RIC8B: variants seen among roughly 807,000 people sequenced by gnomAD.
The protein encoded by RIC8B is RIC8 guanine nucleotide exchange factor B.
RIC8B carries 16 observed loss-of-function variants against 57.5 expected under a neutral mutation model. That is an observed-to-expected ratio of 0.28 (90% CI 0.19 to 0.42). The LOEUF (loss-of-function observed/expected upper bound fraction) is 0.42. Ranked by LOEUF, RIC8B falls within the 10% of genes least tolerant of loss-of-function variation. The pLI, the probability that RIC8B is intolerant of heterozygous loss-of-function variation, is 1.00. For synonymous variants in RIC8B, 216 were observed against 250.8 expected (o/e 0.86, Z 1.31); for missense variants, 481 against 677.0 (o/e 0.71, Z 3.21).
chr12:106,867,651 TTTCTC>T lies in RIC8B; in HGVS notation c.1452-3168_1452-3164del, dbSNP rs1281713759. Among the ~76,000 whole-genome samples, 4 of 152,090 alleles carry T rather than the reference TTTCTC, an allele frequency of 2.6e-5. No individual in the cohort carries two copies. Among genetic ancestry groups the T allele is most frequent in the Non-Finnish European group, 5.9e-5 (4 of 68,014 alleles). On this transcript the variant is annotated intron_variant, in intron 8 of 9. Coordinates refer to ENST00000392837, the MANE Select transcript of RIC8B (RefSeq NM_001330145.2). The surrounding 1 kb of genome is among the most constrained non-coding windows in gnomAD (Gnocchi z 4.3). ...TGTTGTCACAATGGCTATTATTTGT[TTTCTC>T]TTCCTTTCTGGGTAGGGAAACTACA...
intron 1 of RIC8B, 51 bp downstream of exon 1, chr12:106,774,880 C>T (rs2043371001): frequency 7.2e-7 from 1 of 1,382,424 alleles, no homozygotes; most frequent in Admixed American, 2.4e-5. Flanking sequence ...GGGCCGCCCT[C>T]CGTGCTTGCA....
intron 3 of RIC8B, chr12:106,823,420 G>A (rs566347895): frequency 2.2e-6 from 1 of 456,022 alleles, no homozygotes; most frequent in Admixed American, 2.4e-5. Context: ...GTACAACTTG[G>A]GAGTTGATGT....
chr12:106,823,893 C>A (rs1244817612), intron 3 of RIC8B, among the ~76,000 whole-genome samples: 1 of 152,100 alleles, frequency 6.6e-6, no homozygotes, highest in Non-Finnish European at 1.5e-5. Flanking sequence ...ACCATGTTGG[C>A]CAGGCTATCC....
At chr12:106,825,433 T>C (rs932995215) in intron 3 of RIC8B, among the ~76,000 whole-genome samples, 2 of 152,176 alleles carry the variant, frequency 1.3e-5, no homozygotes, top group Non-Finnish European at 2.9e-5. Flanking sequence ...CAGTGCACCA[T>C]AGAAAAAACG....
At chr12:106,864,012 G>A (rs780584190) in intron 8 of RIC8B, among the ~76,000 whole-genome samples, 4 of 152,112 alleles carry the variant, frequency 2.6e-5, no homozygotes, top group Non-Finnish European at 5.9e-5. Context: ...TAGATACATA[G>A]TAAATATCAG....
intron 1 of RIC8B, among the ~76,000 whole-genome samples, chr12:106,781,780 C>T (rs1026615311): frequency 1.3e-5 from 2 of 152,116 alleles, no homozygotes; most frequent in African/African-American, 4.8e-5. Context: ...CAAGTAGGTA[C>T]ATTTATTCCA....
At chr12:106,818,294 G>A (rs1419388739) in intron 3 of RIC8B, among the ~76,000 whole-genome samples, 4 of 151,830 alleles carry the variant, frequency 2.6e-5, no homozygotes, top group Non-Finnish European at 4.4e-5. Flanking sequence ...AGCCTCTGGA[G>A]TAGCTGGGAT....
intron 8 of RIC8B, among the ~76,000 whole-genome samples, chr12:106,865,843 AC>A (rs1206654183): frequency 2.0e-5 from 3 of 151,944 alleles, no homozygotes; most frequent in African/African-American, 7.3e-5. Flanking sequence ...TGCCACACTG[AC>A]CTCTTTACTA....
At chr12:106,800,107 A>T (rs1178207680) in intron 2 of RIC8B, among the ~76,000 whole-genome samples, 2 of 152,096 alleles carry the variant, frequency 1.3e-5, no homozygotes, top group Non-Finnish European at 2.9e-5. Context: ...AAGTAATCCC[A>T]AGAGACCGGG....
At chr12:106,825,273 A>T (rs1246234626) in intron 3 of RIC8B, among the ~76,000 whole-genome samples, 1 of 152,180 alleles carries the variant, frequency 6.6e-6, no homozygotes, top group Non-Finnish European at 1.5e-5. Flanking sequence ...GGGAATTAGG[A>T]TATTAAGATT....
chr12:106,774,905 C>CT, intron 1 of RIC8B, 76 bp downstream of exon 1: 1 of 1,084,830 alleles, frequency 9.2e-7, no homozygotes, highest in Non-Finnish European at 1.3e-6. Context: ...GCATCCTTCC[C>CT]CACCCCCCTC....
chr12:106,794,769 A>C (rs1323248582), intron 2 of RIC8B, among the ~76,000 whole-genome samples: 2 of 152,254 alleles, frequency 1.3e-5, no homozygotes, highest in Non-Finnish European at 2.9e-5. Flanking sequence ...ACAAGACTTA[A>C]TAAAACAAGT....
chr12:106,778,132 A>C (rs2043575455), intron 1 of RIC8B, among the ~76,000 whole-genome samples: 1 of 152,256 alleles, frequency 6.6e-6, no homozygotes, highest in Non-Finnish European at 1.5e-5. Context: ...AAAAAAATTA[A>C]ACGTGGCATG....
intron 4 of RIC8B, among the ~76,000 whole-genome samples, chr12:106,838,986 C>CA (rs78368727): frequency 3.7e-3 from 377 of 103,104 alleles, no homozygotes; most frequent in East Asian, 9.0e-3. Flanking sequence ...AGGGTTATTC[C>CA]AAAAAAAAAA....
At chr12:106,794,025 A>G (rs912716036) in intron 2 of RIC8B, among the ~76,000 whole-genome samples, 1 of 152,190 alleles carries the variant, frequency 6.6e-6, no homozygotes, top group African/African-American at 2.4e-5. Flanking sequence ...AAATATATTC[A>G]GAGAACTAAA....
intron 2 of RIC8B, among the ~76,000 whole-genome samples, chr12:106,813,187 C>CTTTTTTT (rs35584850): frequency 6.1e-5 from 6 of 98,690 alleles, no homozygotes; most frequent in African/African-American, 1.2e-4. Context: ...AATACTATGC[C>CTTTTTTT]TTTTTTTTTT....
intron 4 of RIC8B, among the ~76,000 whole-genome samples, chr12:106,841,511 A>G (rs1283814834): frequency 4.6e-5 from 7 of 152,194 alleles, no homozygotes; most frequent in African/African-American, 1.4e-4. Context: ...AATCTAAAGT[A>G]GAAGGAGCTA....
chr12:106,821,960 C>A (rs1050669610), intron 3 of RIC8B, among the ~76,000 whole-genome samples: 1 of 150,550 alleles, frequency 6.6e-6, no homozygotes, highest in African/African-American at 2.4e-5. Flanking sequence ...TGCCTGTAGT[C>A]CCAGCTACTC....
chr12:106,862,361 T>G (rs934211338), intron 8 of RIC8B, among the ~76,000 whole-genome samples: 8 of 152,028 alleles, frequency 5.3e-5, no homozygotes, highest in Admixed American at 3.3e-4. Flanking sequence ...TTTTTTAAAG[T>G]GAAAAAGTGT....
Sources: allele counts gnomAD v4.1 joint callset (sites outside exome capture counted in the v4.1 genomes callset), GRCh38; gene constraint gnomAD v4.1.1; non-coding constraint Gnocchi (gnomAD v3.1); transcripts MANE v1.5; gene names NCBI Gene and HGNC (gene_info 2026-07-23, HGNC 2026-07-21).